The following VWA3B variants were observed in gnomAD, a reference collection of about 807,000 sequenced individuals.
VWA3B encodes von Willebrand factor A domain containing 3B.
In VWA3B, 138 loss-of-function variants were observed where a neutral mutation model predicts 158.3. That is an observed-to-expected ratio of 0.87 (90% CI 0.76 to 1.00). The LOEUF is 1.00. VWA3B is among the 50% of genes least tolerant of loss of function. VWA3B has a pLI of 0.00. For missense variants in VWA3B, 1,555 were observed against 1,565.1 expected, an observed-to-expected ratio of 0.99 and a Z score of 0.11; for synonymous variants, 596 against 587.3, an observed-to-expected ratio of 1.01 and a Z score of -0.21.
intron 12 of VWA3B, among the ~76,000 whole-genome samples, chr2:98,211,129 C>T (rs1354111105): frequency 6.6e-6 from 1 of 152,198 alleles, no homozygotes; most frequent in Non-Finnish European, 1.5e-5. Flanking sequence ...TTATCCTGTC[C>T]ATTGGTGATG....
chr2:98,093,720 T>C lies in VWA3B; in HGVS notation c.196+432T>C, dbSNP rs190077155. Among the ~76,000 whole-genome samples the C allele has an allele frequency of 3.9e-5, 6 of 152,308 alleles. No homozygotes were observed. In the East Asian group the frequency reaches 1.2e-3, roughly 29 times the overall value. On this transcript the variant is annotated intron_variant, in intron 2 of 27. Transcript: ENST00000477737. ...CCATCATCATTAACTATGATCACCA[T>C]ACTGTACAATAGATCTCTTGACTAG...
At chr2:98,130,942 C>T (rs951041369) in intron 6 of VWA3B, among the ~76,000 whole-genome samples, 1 of 152,070 alleles carries the variant, frequency 6.6e-6, no homozygotes, top group African/African-American at 2.4e-5. Context: ...TCTTAAGTCC[C>T]CTCTTCTGGC....
chr2:98,120,230 A>G (rs1051356824), intron 4 of VWA3B, among the ~76,000 whole-genome samples: 3 of 152,158 alleles, frequency 2.0e-5, no homozygotes, highest in Admixed American at 1.3e-4. Context: ...AATTTCCCAT[A>G]TTTCAGAGTT....
intron 8 of VWA3B, among the ~76,000 whole-genome samples, chr2:98,167,489 A>G (rs1679184727): frequency 1.3e-5 from 2 of 152,188 alleles, no homozygotes; most frequent in African/African-American, 4.8e-5. Context: ...TCCCTCGCTT[A>G]CTGCCTTGAG....
intron 26 of VWA3B, among the ~76,000 whole-genome samples, chr2:98,309,167 C>CAAAAAA (rs763812141): frequency 8.6e-5 from 6 of 69,372 alleles, no homozygotes; most frequent in African/African-American, 3.3e-4. Flanking sequence ...GAGACTCTGT[C>CAAAAAA]AAAAAAAAAA....
intron 10 of VWA3B, among the ~76,000 whole-genome samples, chr2:98,189,047 T>C (rs984017033): frequency 6.6e-6 from 1 of 152,250 alleles, no homozygotes; most frequent in Admixed American, 6.5e-5. Context: ...GTATTTCATT[T>C]TCAATCATTT....
intron 12 of VWA3B, among the ~76,000 whole-genome samples, chr2:98,203,494 G>A (rs1421520177): frequency 6.6e-6 from 1 of 152,158 alleles, no homozygotes; most frequent in African/African-American, 2.4e-5. Flanking sequence ...GATAGAAATT[G>A]CATTAAACCT....
chr2:98,292,588 G>A (rs1299035963), intron 23 of VWA3B, among the ~76,000 whole-genome samples: 2 of 152,012 alleles, frequency 1.3e-5, no homozygotes, highest in Non-Finnish European at 2.9e-5. Context: ...ATTATAGAAG[G>A]CCACCCCTGC....
intron 8 of VWA3B, among the ~76,000 whole-genome samples, chr2:98,171,876 A>T (rs557571341): frequency 6.6e-6 from 1 of 152,214 alleles, no homozygotes; most frequent in East Asian, 1.9e-4. Context: ...TGAAAGAGGA[A>T]AAGTTCCCTT....
intron 7 of VWA3B, among the ~76,000 whole-genome samples, chr2:98,162,285 A>G (rs1020784851): frequency 6.6e-6 from 1 of 152,152 alleles, no homozygotes; most frequent in Non-Finnish European, 1.5e-5. Flanking sequence ...ATTGAAAGAC[A>G]TAAATATCTA....
intron 12 of VWA3B, 95 bp from the exon 13 acceptor site, chr2:98,211,835 A>T: frequency 9.8e-7 from 1 of 1,016,064 alleles, no homozygotes; most frequent in Non-Finnish European, 1.5e-6. Context: ...TCTCATAGGT[A>T]CTTTTTCTTC....
intron 12 of VWA3B, among the ~76,000 whole-genome samples, chr2:98,196,587 G>A (rs745556352): frequency 5.3e-5 from 8 of 152,128 alleles, no homozygotes; most frequent in Admixed American, 1.3e-4. Flanking sequence ...AGCTGTGGCC[G>A]CGCCTGCCCA....
chr2:98,323,540 G>A, the VWA3B span, among the ~76,000 whole-genome samples: 1 of 151,912 alleles, frequency 6.6e-6, no homozygotes, highest in Non-Finnish European at 1.5e-5. Context: ...CAAAATAACT[G>A]AAAACTTCCA....
At chr2:98,105,109 A>T (rs1047840022) in intron 2 of VWA3B, among the ~76,000 whole-genome samples, 5 of 152,210 alleles carry the variant, frequency 3.3e-5, no homozygotes, top group African/African-American at 1.2e-4. Flanking sequence ...GTAGGATTTG[A>T]GGTTTCAACT....
intron 7 of VWA3B, among the ~76,000 whole-genome samples, chr2:98,158,060 G>A (rs1678247135): frequency 6.6e-6 from 1 of 152,116 alleles, no homozygotes; most frequent in Non-Finnish European, 1.5e-5. Flanking sequence ...AATACCTCGG[G>A]CATAGCCATG....
intron 8 of VWA3B, among the ~76,000 whole-genome samples, chr2:98,177,219 G>A (rs1366299723): frequency 6.6e-6 from 1 of 152,168 alleles, no homozygotes; most frequent in Non-Finnish European, 1.5e-5. Context: ...ATTGAAAAAT[G>A]TTCTGAGATT....
At chr2:98,227,394 A>T (rs1048580888) in intron 14 of VWA3B, among the ~76,000 whole-genome samples, 3 of 152,188 alleles carry the variant, frequency 2.0e-5, no homozygotes, top group Non-Finnish European at 4.4e-5. Flanking sequence ...CTACTCCTAG[A>T]TATTTATTCA....
At chr2:98,275,296 T>G (rs947680767) in intron 22 of VWA3B, among the ~76,000 whole-genome samples, 1 of 152,154 alleles carries the variant, frequency 6.6e-6, no homozygotes, top group South Asian at 2.1e-4. Flanking sequence ...TCAGCGCTCT[T>G]GATTCTTAGA....
chr2:98,088,644 C>T (rs182777198), intron 1 of VWA3B, among the ~76,000 whole-genome samples: 1 of 152,236 alleles, frequency 6.6e-6, no homozygotes, highest in African/African-American at 2.4e-5. Flanking sequence ...TTGTTGTTTC[C>T]GACTTCTGGG....
Sources: allele counts gnomAD v4.1 joint callset (sites outside exome capture counted in the v4.1 genomes callset), GRCh38; gene constraint gnomAD v4.1.1; transcripts MANE v1.5; gene names NCBI Gene and HGNC (gene_info 2026-07-23, HGNC 2026-07-21).